Variants in EPB42 observed in about 807,000 individuals in gnomAD.
EPB42 encodes the protein erythrocyte membrane protein band 4.2.
EPB42 carries 49 observed loss-of-function variants against 76.9 expected under a neutral mutation model. The observed-to-expected ratio is 0.64, with a 90% confidence interval of 0.51 to 0.81. The LOEUF is 0.81. Ranked by LOEUF, EPB42 falls within the 30% of genes least tolerant of loss-of-function variation. The pLI is 0.00. For synonymous variants in EPB42, 310 were observed against 338.4 expected (o/e 0.92, Z 0.92); for missense variants, 731 against 867.6 (o/e 0.84, Z 1.98).
intron 1 of EPB42, 147 bp downstream of exon 1, chr15:43,220,669 T>G (rs2042446388): frequency 3.3e-4 from 82 of 247,464 alleles, no homozygotes; most frequent in Non-Finnish European, 5.1e-4. Flanking sequence ...CACAGCCACC[T>G]CATTATCACC....
intron 10 of EPB42, among the ~76,000 whole-genome samples, chr15:43,204,972 C>A (rs921043775): frequency 1.4e-5 from 2 of 145,290 alleles, no homozygotes; most frequent in Non-Finnish European, 3.0e-5. Context: ...CCGCCCCCCC[C>A]CCAAAAAAAA....
At chr15:43,216,146 G>A in intron 2 of EPB42, 122 bp downstream of exon 2, 1 of 1,239,610 alleles carries the variant, frequency 8.1e-7, no homozygotes, top group Non-Finnish European at 1.1e-6. Context: ...CAGGTGGGCA[G>A]GACTTCTTAC....
At chr15:43,204,964 G>T (rs1205051290) in intron 10 of EPB42, among the ~76,000 whole-genome samples, 1 of 120,844 alleles carries the variant, frequency 8.3e-6, no homozygotes, top group African/African-American at 3.4e-5. Context: ...TGCCCCCTCC[G>T]CCCCCCCCCC....
At chr15:43,212,413 T>C (rs1291133089) in intron 3 of EPB42, among the ~76,000 whole-genome samples, 1 of 149,456 alleles carries the variant, frequency 6.7e-6, no homozygotes, top group Non-Finnish European at 1.5e-5. Flanking sequence ...AAGAAAATCC[T>C]AGTCGTTCAC....
rs751803200 is a variant in EPB42, at chr15:43,203,246, A to G, written c.1648T>C (p.Ser550Pro). The G allele has an allele frequency of 1.9e-6, 3 of 1,613,970 alleles. No homozygotes were observed. The South Asian group carries it at 3.3e-5, about 18-fold the overall frequency. Reference protein sequence around the residue: ...EKIITIGLFFSNFERNPPENT... With the variant: ...EKIITIGLFFPNFERNPPENT... ...TCGGGTGGGTTTCGCTCAAAATTGGAGAAGAACAGGCCGATGGTTATTATC... is the reference window on the plus strand; with the variant it reads ...TCGGGTGGGTTTCGCTCAAAATTGGGGAAGAACAGGCCGATGGTTATTATC... The change falls in exon 11 of 13, where the codon TCC becomes CCC. Residue 550 changes from serine (S) to proline (P), a missense_variant. Transcript: ENST00000441366.
At chr15:43,205,765 T>C (rs2042193403) in intron 10 of EPB42, among the ~76,000 whole-genome samples, 1 of 152,156 alleles carries the variant, frequency 6.6e-6, no homozygotes, top group Non-Finnish European at 1.5e-5. Context: ...CCCCAGGTGA[T>C]TCTAATGTGC....
intron 6 of EPB42, 145 bp downstream of exon 6, chr15:43,209,129 G>T: frequency 2.0e-6 from 2 of 995,870 alleles, no homozygotes; most frequent in Non-Finnish European, 1.5e-6. Flanking sequence ...GGGAGGAGCT[G>T]CCTGGGACAA....
Position 43,203,147 on chromosome 15 carries a change from T to C in EPB42, c.1747A>G (p.Ile583Val), listed in dbSNP as rs901762206. The C allele has an allele frequency of 6.2e-7, 1 of 1,614,048 alleles. No individual in the cohort carries two copies. Among genetic ancestry groups the C allele is most frequent in the South Asian group, 1.1e-5 (1 of 91,070 alleles). The change falls in exon 11 of 13, where the codon ATT (isoleucine) becomes GTT (valine). Residue 583 changes from isoleucine (I) to valine (V), a missense_variant. Transcript: ENST00000441366. The stretch of plus-strand genomic sequence containing the variant: ...GCAAGGTGTGGTCTACAAATGGCAA[T>C]GTCTTCCTGAGCAAAGCAGCTAAGG... ...SNLSCFAQED[I>V]AICRPHLAIK...
At chr15:43,217,550 G>T (rs577839694) in intron 1 of EPB42, among the ~76,000 whole-genome samples, 55 of 152,200 alleles carry the variant, frequency 3.6e-4, no homozygotes, top group East Asian at 2.1e-3. Flanking sequence ...AAAAAAGTTG[G>T]TTTTTTTGTT....
In EPB42 at chr15:43,209,410, C is replaced by G; in HGVS notation, c.696G>C (p.Gln232His). ...LKEQRVLPTP[Q>H]TQATQEGALL... ...AGGCCCCTTCCTGGGTGGCCTGGGTCTGCGGGGTGGGCAGGACCCTCTGCT... is the reference window on the plus strand; with the variant it reads ...AGGCCCCTTCCTGGGTGGCCTGGGTGTGCGGGGTGGGCAGGACCCTCTGCT... The change falls in exon 6 of 13, where the codon CAG becomes CAC. Residue 232 changes from glutamine (Q) to histidine (H), a missense_variant. By Grantham distance (24) the Gln-to-His change is conservative (BLOSUM62 0). Coordinates refer to ENST00000441366, the MANE Select transcript of EPB42 (RefSeq NM_001114134.2). 1 of 1,613,446 alleles carries G rather than the reference C, an allele frequency of 6.2e-7. No individual in the cohort carries two copies. The highest frequency in any genetic ancestry group is 8.5e-7 in the Non-Finnish European group (1 of 1,179,704).
At chr15:43,221,917 C>T (rs1227960418), upstream of EPB42, among the ~76,000 whole-genome samples, 1 of 151,130 alleles carries the variant, frequency 6.6e-6, no homozygotes, top group African/African-American at 2.4e-5. Flanking sequence ...CCAAGTCAGG[C>T]GGATCACCTG....
rs750584520 is a variant in EPB42, at chr15:43,203,158, G to T, written c.1736C>A (p.Ala579Asp). 6.2e-7 allele frequency: 1 copy of T among 1,614,112 alleles called. No individual in the cohort carries two copies. Among genetic ancestry groups the T allele is most frequent in the Admixed American group, 1.7e-5 (1 of 60,016 alleles). The change falls in exon 11 of 13, where the codon GCT (alanine) becomes GAT (aspartate). Residue 579 changes from alanine (A) to aspartate (D), a missense_variant. Coordinates refer to ENST00000441366, the MANE Select transcript of EPB42 (RefSeq NM_001114134.2). ...TCTACAAATGGCAATGTCTTCCTGA[G>T]CAAAGCAGCTAAGGTTGGATTCAGA... ...THSESNLSCF[A>D]QEDIAICRPH...
chr15:43,209,210 C>A, intron 6 of EPB42, 64 bp downstream of exon 6: 1 of 1,591,680 alleles, frequency 6.3e-7, no homozygotes, highest in Non-Finnish European at 8.6e-7. Context: ...GATGTCCTTC[C>A]CACATGGGAG....
chr15:43,199,749 G>C (rs2042099545), intron 12 of EPB42, among the ~76,000 whole-genome samples: 1 of 152,140 alleles, frequency 6.6e-6, no homozygotes, highest in Non-Finnish European at 1.5e-5. Flanking sequence ...CATTCCTCAT[G>C]GGAGGGACCC....
intron 3 of EPB42, among the ~76,000 whole-genome samples, chr15:43,213,210 C>T (rs1435030062): frequency 6.6e-6 from 1 of 152,176 alleles, no homozygotes; most frequent in Non-Finnish European, 1.5e-5. Flanking sequence ...CTTATGAGAG[C>T]ATGGGCAGTG....
At position 43,218,982 on chromosome 15, in the gene EPB42, C is replaced by T. The variant is rs558550280; in HGVS notation, c.10+1834G>A. On this transcript the variant is annotated intron_variant, in intron 1 of 12. Transcript: ENST00000441366. ...TCAGAGGTGCACAATACCCCACCCT[C>T]CTCCCTCTCTGCCTTTCACAATACC... 5.6e-4 allele frequency among the ~76,000 whole-genome samples: 86 copies of T among 152,332 alleles called. No homozygotes were observed. In the South Asian group the frequency reaches 8.7e-3, roughly 15 times the overall value.
At position 43,216,337 on chromosome 15, in the gene EPB42, G is replaced by A; in HGVS notation, c.127C>T (p.Leu43=). The A allele has an allele frequency of 6.2e-7, 1 of 1,614,222 alleles. No individual in the cohort carries two copies. Among genetic ancestry groups the A allele is most frequent in the Non-Finnish European group, 8.5e-7 (1 of 1,180,040 alleles). Residue 43 remains leucine (L), a synonymous_variant, in exon 2 of 13, where the codon CTG becomes TTG. Coordinates refer to ENST00000441366, the MANE Select transcript of EPB42 (RefSeq NM_001114134.2). ...GCACGGACTGGAGCGCGGAAGTACA[G>A]GATGATGGTGAAGGGCTGCCCCCTC... ...VRRGQPFTII[L]YFRAPVRAFL... is the part of the protein sequence containing the mutation.
At chr15:43,202,311 C>T (rs749281003) in intron 11 of EPB42, among the ~76,000 whole-genome samples, 1 of 152,158 alleles carries the variant, frequency 6.6e-6, no homozygotes, top group Non-Finnish European at 1.5e-5. Flanking sequence ...CTTCCCATGA[C>T]TAAGTGACAT....
At chr15:43,200,820 T>TA (rs1176545986) in intron 12 of EPB42, among the ~76,000 whole-genome samples, 2 of 150,166 alleles carry the variant, frequency 1.3e-5, no homozygotes, top group Non-Finnish European at 3.0e-5. Context: ...CCACCAAATT[T>TA]TTTTTTTTTT....
Sources: gnomAD v4.1 joint callset for allele counts (sites outside exome capture counted in the v4.1 genomes callset) on GRCh38, gnomAD v4.1.1 for gene constraint, MANE v1.5 for transcripts, NCBI Gene and HGNC (gene_info 2026-07-23, HGNC 2026-07-21) for gene names.